The following EIF2S1 variants were observed in gnomAD, a reference collection of about 807,000 sequenced individuals.
The protein encoded by EIF2S1 is eukaryotic translation initiation factor 2 subunit alpha.
In EIF2S1, 5 loss-of-function variants were observed where a neutral mutation model predicts 33.5. The ratio of observed to expected loss-of-function variants is 0.15; its 90% CI spans 0.08 to 0.31. The LOEUF (loss-of-function observed/expected upper bound fraction) is 0.31, where lower values mean the gene tolerates loss of function less well. Ranked by LOEUF, EIF2S1 falls within the 10% of genes least tolerant of loss-of-function variation. EIF2S1 has a pLI of 1.00. For missense variants in EIF2S1, 191 were observed against 384.6 expected, an observed-to-expected ratio of 0.50 and a Z score of 4.21; for synonymous variants, 99 against 127.5, an observed-to-expected ratio of 0.78 and a Z score of 1.51.
chr14:67,369,849 C>A (rs943190430), intron 2 of EIF2S1, among the ~76,000 whole-genome samples: 7 of 152,232 alleles, frequency 4.6e-5, no homozygotes, highest in African/African-American at 7.2e-5. Flanking sequence ...GTTGCTGAGA[C>A]CAGCTCTGTT....
At chr14:67,366,500 ATTTG>A (rs1397369081) in intron 2 of EIF2S1, among the ~76,000 whole-genome samples, 1 of 152,246 alleles carries the variant, frequency 6.6e-6, no homozygotes, top group African/African-American at 2.4e-5. Context: ...TTTCCATAGC[ATTTG>A]TTTGTATGGC....
Position 67,384,555 on chromosome 14 carries a change from T to G in EIF2S1, c.*1115T>G, listed in dbSNP as rs141325817. Reference sequence around the variant, plus strand: ...ATGATACTTGAGGTACCAGTTGTATTTAATTTTATTCATTATCCCTAGATA... The same window carrying G: ...ATGATACTTGAGGTACCAGTTGTATGTAATTTTATTCATTATCCCTAGATA... On this transcript the variant is annotated 3_prime_UTR_variant, in exon 8 of 8. Transcript: ENST00000256383. 59 of 152,286 alleles carry G rather than the reference T, an allele frequency of 3.9e-4. No individual in the cohort carries two copies. In the East Asian group the frequency reaches 0.011, roughly 28 times the overall value. The allele number at this position is 152,286 out of a possible 1,614,324, so 9.4% of individuals were successfully genotyped here. A position where few individuals can be genotyped will look rare whatever the true frequency, so the allele number is the denominator to read the frequency against.
chr14:67,366,350 G>T (rs1431117522), intron 2 of EIF2S1, among the ~76,000 whole-genome samples: 1 of 152,156 alleles, frequency 6.6e-6, no homozygotes, highest in Non-Finnish European at 1.5e-5. Context: ...GGGATTACAG[G>T]TGTGAGCCAC....
intron 5 of EIF2S1, 119 bp from the exon 6 acceptor site, chr14:67,381,474 A>G: frequency 1.5e-6 from 1 of 689,208 alleles, no homozygotes; most frequent in Non-Finnish European, 2.5e-6. Flanking sequence ...TGCAGTATAG[A>G]GAGGTTGGAT....
intron 2 of EIF2S1, among the ~76,000 whole-genome samples, chr14:67,369,251 A>G (rs1447151911): frequency 6.6e-6 from 1 of 152,244 alleles, no homozygotes; most frequent in Non-Finnish European, 1.5e-5. Context: ...AGATTTAAAG[A>G]CATAGTATTT....
At chr14:67,372,018 A>T (rs2085825130) in intron 2 of EIF2S1, among the ~76,000 whole-genome samples, 1 of 152,114 alleles carries the variant, frequency 6.6e-6, no homozygotes, top group Non-Finnish European at 1.5e-5. Flanking sequence ...TAATCTCAGC[A>T]CTTTGGGAGG....
At position 67,376,561 on chromosome 14, in the gene EIF2S1, T is replaced by C; in HGVS notation, c.444T>C (p.Gly148=). ...ACAAGTACAAGAGACCTGGATATGG[T>C]GCCTATGATGCATTTAAGCATGCAG... is the stretch of plus-strand genomic sequence containing the variant. ...FDDKYKRPGY[G]AYDAFKHAVS... The change falls in exon 4 of 8, where the codon GGT becomes GGC. Residue 148 remains glycine (G), a synonymous_variant. Transcript: ENST00000256383. 1 of 1,614,030 alleles carries C rather than the reference T, an allele frequency of 6.2e-7. No homozygotes were observed. The highest frequency in any genetic ancestry group is 8.5e-7 in the Non-Finnish European group (1 of 1,179,964).
chr14:67,362,010 TTTTTTTTC>T (rs1345548944), intron 1 of EIF2S1, among the ~76,000 whole-genome samples: 25 of 148,816 alleles, frequency 1.7e-4, no homozygotes, highest in African/African-American at 5.7e-4. Context: ...AGAGTCTTTT[TTTTTTTTC>T]TTTTTTCTTT....
At chr14:67,382,702 C>T (rs769389666) in intron 7 of EIF2S1, 112 bp downstream of exon 7, 10 of 1,260,226 alleles carry the variant, frequency 7.9e-6, no homozygotes, top group Non-Finnish European at 1.0e-5. Context: ...GATGGTCATT[C>T]AGGCCTTTGA....
In EIF2S1 at chr14:67,383,767, C is replaced by T. The variant is rs1048014168; in HGVS notation, c.*327C>T. Reference sequence around the variant, plus strand: ...CACCCCTTTCTAGTTCAATGCCTCACGAGATTTGCCAGGGGCATCCAAGGC... The same window carrying T: ...CACCCCTTTCTAGTTCAATGCCTCATGAGATTTGCCAGGGGCATCCAAGGC... On this transcript the variant is annotated 3_prime_UTR_variant, in exon 8 of 8. Coordinates refer to ENST00000256383, the MANE Select transcript of EIF2S1 (RefSeq NM_004094.5). 2 of 305,778 alleles carry T rather than the reference C, an allele frequency of 6.5e-6. No homozygotes were observed. Among genetic ancestry groups the T allele is most frequent in the Non-Finnish European group, 1.3e-5 (2 of 155,900 alleles). The allele number at this position is 305,778 out of a possible 1,614,324, so 18.9% of individuals were successfully genotyped here. A position where few individuals can be genotyped will look rare whatever the true frequency, so the allele number is the denominator to read the frequency against.
At chr14:67,369,258 A>G (rs574408605) in intron 2 of EIF2S1, among the ~76,000 whole-genome samples, 1 of 152,366 alleles carries the variant, frequency 6.6e-6, no homozygotes, top group Admixed American at 6.5e-5. Context: ...AAGACATAGT[A>G]TTTTCAGATT....
At chr14:67,381,763 T>A (rs922411297) in intron 6 of EIF2S1, 73 bp downstream of exon 6, 97 of 245,350 alleles carry the variant, frequency 4.0e-4, no homozygotes, top group Middle Eastern at 6.0e-4. Flanking sequence ...TCTTTGTTTC[T>A]TTTTTTTTTT....
Position 67,380,658 on chromosome 14 carries a change from G to T in EIF2S1, c.474-1G>T. The T allele has an allele frequency of 6.6e-7, 1 of 1,511,684 alleles. No individual in the cohort carries two copies. Among genetic ancestry groups the T allele is most frequent in the South Asian group, 1.3e-5 (1 of 75,828 alleles). 93.6% of individuals were successfully genotyped at this position (1,511,684 alleles called of 1,614,324 possible). A position where few individuals can be genotyped will look rare whatever the true frequency, so the allele number is the denominator to read the frequency against. On this transcript the variant is annotated splice_acceptor_variant, in intron 4 of 7. Coordinates refer to ENST00000256383, the MANE Select transcript of EIF2S1 (RefSeq NM_004094.5). LOFTEE classifies it high-confidence loss of function. ...TGTTATTTATTTATGTTTTTGACCA[G>T]AGACCCATCTATTTTGGATAGTTTA...
intron 6 of EIF2S1, 88 bp downstream of exon 6, chr14:67,381,778 TCAC>T: frequency 1.1e-6 from 1 of 923,712 alleles, no homozygotes; most frequent in Non-Finnish European, 1.6e-6. Flanking sequence ...TTTTTTTTAA[TCAC>T]ATTTCATAAC....
At chr14:67,378,515 G>A (rs2085869815) in intron 4 of EIF2S1, among the ~76,000 whole-genome samples, 2 of 152,160 alleles carry the variant, frequency 1.3e-5, no homozygotes, top group Middle Eastern at 3.4e-3. Flanking sequence ...ATAGAGCCAG[G>A]CAGTATTCAA....
chr14:67,376,414 G>A (rs1254998261), intron 3 of EIF2S1, 25 bp from the exon 4 acceptor site: 14 of 1,564,948 alleles, frequency 8.9e-6, no homozygotes, highest in African/African-American at 2.7e-5. Flanking sequence ...TCTTTGAATT[G>A]TTGAGCTTTT....
intron 6 of EIF2S1, 56 bp downstream of exon 6, chr14:67,381,746 T>C: frequency 8.3e-7 from 1 of 1,205,494 alleles, no homozygotes; most frequent in Non-Finnish European, 1.2e-6. Context: ...CCAAATAGGA[T>C]CTTTGATCTT....
At chr14:67,382,908 C>CGT (rs58119639) in intron 7 of EIF2S1, among the ~76,000 whole-genome samples, 27,414 of 144,084 alleles carry the variant, frequency 0.19, 4,129 homozygotes, top group East Asian at 0.45. Context: ...TGCGTGCGTG[C>CGT]GTGTGTGTGT....
chr14:67,386,242 T>TA lies in EIF2S1; in HGVS notation c.*2803dup, dbSNP rs1179970877. Reference sequence around the variant, plus strand: ...AATGGTGCTTTAAAAGGTAGTCTCTTACCATATAAGGAATAAGTAAAACAT... The same window carrying TA: ...AATGGTGCTTTAAAAGGTAGTCTCTTAACCATATAAGGAATAAGTAAAACAT... On this transcript the variant is annotated 3_prime_UTR_variant, in exon 8 of 8. Transcript: ENST00000256383. 1 of 152,686 alleles carries TA rather than the reference T, an allele frequency of 6.5e-6. No individual in the cohort carries two copies. The highest frequency in any genetic ancestry group is 2.4e-5 in the African/African-American group (1 of 41,462). The allele number at this position is 152,686 out of a possible 1,614,324, so 9.5% of individuals were successfully genotyped here.
Sources: gnomAD v4.1 joint callset for allele counts (sites outside exome capture counted in the v4.1 genomes callset) on GRCh38, gnomAD v4.1.1 for gene constraint, MANE v1.5 for transcripts, NCBI Gene and HGNC (gene_info 2026-07-23, HGNC 2026-07-21) for gene names.